Variants in FAF1 observed in about 807,000 individuals in gnomAD.
The protein encoded by FAF1 is Fas associated factor 1.
In FAF1, 25 loss-of-function variants were observed where a neutral mutation model predicts 92.5. The ratio of observed to expected loss-of-function variants is 0.27; its 90% CI spans 0.20 to 0.38. The LOEUF is 0.38. Among genes scored for constraint, FAF1 ranks in the 10% least tolerant of loss-of-function variants. The pLI, the probability that FAF1 is intolerant of heterozygous loss-of-function variation, is 1.00. For synonymous variants in FAF1, 234 were observed against 273.2 expected (o/e 0.86, Z 1.42); for missense variants, 636 against 793.3 (o/e 0.80, Z 2.38).
intron 4 of FAF1, among the ~76,000 whole-genome samples, chr1:50,778,848 C>A (rs112594267): frequency 6.6e-6 from 1 of 152,028 alleles, no homozygotes; most frequent in African/African-American, 2.4e-5. Context: ...GACACACACA[C>A]ACACACACAC....
intron 13 of FAF1, among the ~76,000 whole-genome samples, chr1:50,554,257 T>C (rs973126178): frequency 3.3e-5 from 5 of 151,292 alleles, no homozygotes; most frequent in Non-Finnish European, 7.4e-5. Flanking sequence ...GGTATAGCCA[T>C]TGCAATGACC....
At chr1:50,865,214 A>G (rs1337214007) in intron 1 of FAF1, among the ~76,000 whole-genome samples, 1 of 152,160 alleles carries the variant, frequency 6.6e-6, no homozygotes, top group Non-Finnish European at 1.5e-5. Flanking sequence ...ATGTGGAGAA[A>G]TAGGAACACT....
chr1:50,631,943 G>A lies in FAF1; in HGVS notation c.744+23499C>T, dbSNP rs780501589. Among the ~76,000 whole-genome samples the A allele has an allele frequency of 3.0e-4, 45 of 152,134 alleles. 1 individual carries two copies. The highest frequency in any genetic ancestry group is 5.9e-4 in the Non-Finnish European group (40 of 68,014). On this transcript the variant is annotated intron_variant, in intron 8 of 18. Transcript: ENST00000396153. ...ATTGTCCTGTTTTACTATTATTGTT[G>A]CAAATTTCTTATTGTGCCTAATTTA... is the stretch of plus-strand genomic sequence containing the variant.
intron 17 of FAF1, among the ~76,000 whole-genome samples, chr1:50,484,234 T>C (rs886404374): frequency 1.3e-5 from 2 of 152,184 alleles, no homozygotes; most frequent in Non-Finnish European, 2.9e-5. Context: ...TCTACTACTA[T>C]GACCTCATTT....
chr1:50,608,622 A>G (rs1015899432), intron 8 of FAF1, among the ~76,000 whole-genome samples: 2 of 152,178 alleles, frequency 1.3e-5, no homozygotes, highest in African/African-American at 4.8e-5. Context: ...TGTCTTACTG[A>G]AGAAGGAGAA....
chr1:50,546,083 T>G (rs1649002345), intron 13 of FAF1, among the ~76,000 whole-genome samples: 1 of 152,216 alleles, frequency 6.6e-6, no homozygotes. Context: ...GAAGGATCGC[T>G]TGAGGCCAGG....
At chr1:50,839,813 A>G (rs1278636984) in intron 2 of FAF1, among the ~76,000 whole-genome samples, 1 of 152,156 alleles carries the variant, frequency 6.6e-6, no homozygotes, top group Middle Eastern at 3.2e-3. Flanking sequence ...TTGAACAAGA[A>G]TAAAAGAAAA....
chr1:50,490,395 GGA>G (rs1646818209), intron 17 of FAF1, among the ~76,000 whole-genome samples, 191 bp downstream of exon 17: 1 of 33,368 alleles, frequency 3.0e-5, no homozygotes, highest in Non-Finnish European at 7.6e-5. Flanking sequence ...AAGGAAGGAA[GGA>G]AGGAAGGAAG....
At chr1:50,658,142 G>A (rs1408533636) in intron 7 of FAF1, among the ~76,000 whole-genome samples, 1 of 152,078 alleles carries the variant, frequency 6.6e-6, no homozygotes, top group Non-Finnish European at 1.5e-5. Context: ...ATGAAGGATA[G>A]AAGAGGGAGT....
intron 18 of FAF1, among the ~76,000 whole-genome samples, chr1:50,446,203 G>A (rs1646225448): frequency 6.6e-6 from 1 of 152,166 alleles, no homozygotes; most frequent in Non-Finnish European, 1.5e-5. Context: ...GAGGTCACAC[G>A]GTTGAATAGG....
intron 4 of FAF1, among the ~76,000 whole-genome samples, chr1:50,779,938 G>GA (rs998404308): frequency 6.9e-6 from 1 of 144,988 alleles, no homozygotes; most frequent in African/African-American, 2.6e-5. Context: ...AAAAGAAAAA[G>GA]AAAAAAAAGG....
chr1:50,678,704 C>T (rs1451810678), intron 7 of FAF1, among the ~76,000 whole-genome samples: 2 of 134,790 alleles, frequency 1.5e-5, no homozygotes, highest in Non-Finnish European at 3.1e-5. Flanking sequence ...CGCTTGAACC[C>T]GGGAGGCAGA....
intron 5 of FAF1, 32 bp from the exon 6 acceptor site, chr1:50,738,986 T>A (rs1485641528): frequency 1.6e-6 from 2 of 1,237,442 alleles, no homozygotes; most frequent in Non-Finnish European, 2.3e-6. Flanking sequence ...AAAAAATGAA[T>A]GTTGATGTTG....
intron 8 of FAF1, among the ~76,000 whole-genome samples, chr1:50,618,347 T>C (rs1653024890): frequency 6.6e-6 from 1 of 151,950 alleles, no homozygotes; most frequent in Non-Finnish European, 1.5e-5. Flanking sequence ...TCGCTAATAC[T>C]GGTGTTCACT....
intron 15 of FAF1, among the ~76,000 whole-genome samples, chr1:50,506,286 T>C (rs1373006660): frequency 6.6e-6 from 1 of 152,222 alleles, no homozygotes; most frequent in Non-Finnish European, 1.5e-5. Context: ...TTAACATAGC[T>C]GGCCTTAGAT....
At chr1:50,585,281 T>C (rs915587934) in intron 9 of FAF1, among the ~76,000 whole-genome samples, 2 of 152,216 alleles carry the variant, frequency 1.3e-5, no homozygotes, top group African/African-American at 2.4e-5. Context: ...TATGGTACAC[T>C]ATCCTCACAT....
At chr1:50,734,708 T>C (rs568554522) in intron 6 of FAF1, among the ~76,000 whole-genome samples, 1 of 146,436 alleles carries the variant, frequency 6.8e-6, no homozygotes, top group Non-Finnish European at 1.5e-5. Flanking sequence ...CACTCCAGCC[T>C]GGGCGATAGA....
At chr1:50,595,160 T>G (rs933984542) in intron 9 of FAF1, among the ~76,000 whole-genome samples, 12 of 152,128 alleles carry the variant, frequency 7.9e-5, no homozygotes, top group African/African-American at 2.6e-4. Flanking sequence ...GTTCAAGTGA[T>G]TCTCCTGCCT....
At chr1:50,953,605 G>C (rs1185622624) in intron 1 of FAF1, among the ~76,000 whole-genome samples, 1 of 151,804 alleles carries the variant, frequency 6.6e-6, no homozygotes, top group Non-Finnish European at 1.5e-5. Context: ...AGGCGTAGTT[G>C]GTTCTCGCCT....
Sources: gnomAD v4.1 joint callset for allele counts (sites outside exome capture counted in the v4.1 genomes callset) on GRCh38, gnomAD v4.1.1 for gene constraint, MANE v1.5 for transcripts, NCBI Gene and HGNC (gene_info 2026-07-23, HGNC 2026-07-21) for gene names.